The following EDEM3 variants were observed in gnomAD, a reference collection of about 807,000 sequenced individuals.
EDEM3 encodes the protein ER degradation-enhancing alpha-mannosidase-like protein 3.
In EDEM3, 60 loss-of-function variants were observed where a neutral mutation model predicts 110.2. That is an observed-to-expected ratio of 0.54 (90% CI 0.44 to 0.67). The LOEUF (loss-of-function observed/expected upper bound fraction) is 0.67, where lower values mean the gene tolerates loss of function less well. Among genes scored for constraint, EDEM3 ranks in the 30% least tolerant of loss-of-function variants. The pLI is 0.00. For synonymous variants in EDEM3, 352 were observed against 382.9 expected (o/e 0.92, Z 0.94); for missense variants, 996 against 1,121.0 (o/e 0.89, Z 1.59).
intron 11 of EDEM3, 91 bp from the exon 12 acceptor site, chr1:184,717,714 G>A: frequency 2.3e-6 from 2 of 874,676 alleles, no homozygotes; most frequent in Middle Eastern, 3.7e-4. Context: ...ATAGGTAAAA[G>A]CAATTAAAAT....
chr1:184,745,771 T>C (rs189768493), intron 2 of EDEM3, among the ~76,000 whole-genome samples: 44 of 152,294 alleles, frequency 2.9e-4, no homozygotes, highest in Non-Finnish European at 5.3e-4. Flanking sequence ...AAATTGTGCT[T>C]ACCAACTCTA....
intron 9 of EDEM3, among the ~76,000 whole-genome samples, chr1:184,720,182 C>T (rs1650805812): frequency 6.6e-6 from 1 of 152,142 alleles, no homozygotes; most frequent in Admixed American, 6.5e-5. Flanking sequence ...TCCCCATTTA[C>T]CTCAAGAAAT....
At chr1:184,699,861 T>G (rs1212390031) in intron 19 of EDEM3, among the ~76,000 whole-genome samples, 2 of 150,962 alleles carry the variant, frequency 1.3e-5, no homozygotes, top group Admixed American at 6.6e-5. Context: ...AATGCTGATG[T>G]TTTTTTCCCT....
At chr1:184,713,188 C>T (rs1650354245) in intron 13 of EDEM3, among the ~76,000 whole-genome samples, 3 of 152,038 alleles carry the variant, frequency 2.0e-5, no homozygotes, top group Admixed American at 6.6e-5. Flanking sequence ...ATCACTTGAA[C>T]CCAGGAGATG....
At position 184,690,843 on chromosome 1, in the gene EDEM3, C is replaced by T. The variant is rs577254853; in HGVS notation, c.*3220G>A. 12 of 152,156 alleles carry T rather than the reference C, an allele frequency of 7.9e-5. No individual in the cohort carries two copies. The highest frequency in any genetic ancestry group is 1.9e-4 in the African/African-American group (8 of 41,360). 9.4% of individuals were successfully genotyped at this position (152,156 alleles called of 1,614,324 possible). On this transcript the variant is annotated 3_prime_UTR_variant, in exon 20 of 20. Coordinates refer to ENST00000318130, the MANE Select transcript of EDEM3 (RefSeq NM_025191.4). ...TCTGACTGAAGCCTTGTGCATAAAA[C>T]GACCGGCTGGAATATTTACTAAATT...
intron 19 of EDEM3, among the ~76,000 whole-genome samples, chr1:184,696,459 C>A (rs726427): frequency 0.4 from 60,477 of 151,400 alleles, 12,684 homozygotes; most frequent in East Asian, 0.6. Context: ...CCGGGGTGTC[C>A]GCTGTAACCC....
At chr1:184,747,949 G>A (rs1351950250) in intron 2 of EDEM3, among the ~76,000 whole-genome samples, 1 of 152,158 alleles carries the variant, frequency 6.6e-6, no homozygotes, top group African/African-American at 2.4e-5. Flanking sequence ...CCAGCTATAT[G>A]CTATTTTATT....
chr1:184,690,436 T>C lies in EDEM3; in HGVS notation c.*3627A>G, dbSNP rs1453606164. The stretch of plus-strand genomic sequence containing the variant: ...TAAAAAAAAAAGGAAAACAGAGTGA[T>C]AAACATCAAGACATAAAAGTATGAG... On this transcript the variant is annotated 3_prime_UTR_variant, in exon 20 of 20. Coordinates refer to ENST00000318130, the MANE Select transcript of EDEM3 (RefSeq NM_025191.4). The C allele has an allele frequency of 6.6e-6, 1 of 151,980 alleles. No homozygotes were observed. Among genetic ancestry groups the C allele is most frequent in the Admixed American group, 6.6e-5 (1 of 15,210 alleles). 9.4% of individuals were successfully genotyped at this position (151,980 alleles called of 1,614,324 possible).
At chr1:184,695,226 T>C (rs1030957460) in intron 19 of EDEM3, among the ~76,000 whole-genome samples, 1 of 152,036 alleles carries the variant, frequency 6.6e-6, no homozygotes, top group Non-Finnish European at 1.5e-5. Context: ...TCCTGTTCAG[T>C]CTCTGCCTCT....
At chr1:184,716,016 T>C (rs1252347658) in intron 13 of EDEM3, among the ~76,000 whole-genome samples, 1 of 152,198 alleles carries the variant, frequency 6.6e-6, no homozygotes, top group Non-Finnish European at 1.5e-5. Context: ...TTTCTTCTTC[T>C]AATTCTTGGT....
rs374192355 is a variant in EDEM3, at chr1:184,754,211, C to T, written c.158+278G>A. The stretch of plus-strand genomic sequence containing the variant: ...GGGCTGTAGCCCCCTTCTTGGGCCA[C>T]TGACATGGCAGCCGCGTTGACACAC... On this transcript the variant is annotated intron_variant, in intron 1 of 19. Transcript: ENST00000318130. Among the ~76,000 whole-genome samples, 1,028 of 152,348 alleles carry T rather than the reference C, an allele frequency of 6.7e-3. 18 individuals carry two copies. The highest frequency in any genetic ancestry group is 0.024 in the African/African-American group (995 of 41,584).
In EDEM3 at chr1:184,693,981, C is replaced by A; in HGVS notation, c.*82G>T. The A allele has an allele frequency of 7.0e-7, 1 of 1,424,582 alleles. No individual in the cohort carries two copies. Among genetic ancestry groups the A allele is most frequent in the African/African-American group, 1.4e-5 (1 of 69,932 alleles). The allele number at this position is 1,424,582 out of a possible 1,614,324, so 88.2% of individuals were successfully genotyped here. On this transcript the variant is annotated 3_prime_UTR_variant, in exon 20 of 20. Transcript: ENST00000318130. ...ATACTTAAAGCCTCCCATTAGAAAG[C>A]CTGCTTAGTATTAGGATGTCTATTA...
At chr1:184,711,111 T>G (rs1476463036) in intron 15 of EDEM3, among the ~76,000 whole-genome samples, 1 of 152,158 alleles carries the variant, frequency 6.6e-6, no homozygotes, top group Non-Finnish European at 1.5e-5. Context: ...AAATTTTTTT[T>G]TTTTGAGATG....
chr1:184,733,088 T>G, intron 5 of EDEM3, 98 bp from the exon 6 acceptor site: 4 of 1,312,416 alleles, frequency 3.0e-6, no homozygotes, highest in Non-Finnish European at 4.1e-6. Flanking sequence ...TTTAACATAT[T>G]TAAGGAAAGA....
rs752502320 is a variant in EDEM3, at chr1:184,706,628, T to C, written c.2203+15A>G. The C allele has an allele frequency of 6.3e-6, 10 of 1,588,614 alleles. No homozygotes were observed. In the Admixed American group the frequency reaches 8.5e-5, roughly 13 times the overall value. On this transcript the variant is annotated intron_variant, in intron 18 of 19. Transcript: ENST00000318130. ...CTCCCCTTCAGTCAACACAATGACATGGATGATTACTTACCAATAACAATG... is the reference window on the plus strand; with the variant it reads ...CTCCCCTTCAGTCAACACAATGACACGGATGATTACTTACCAATAACAATG...
At chr1:184,737,556 A>G in intron 3 of EDEM3, 55 bp downstream of exon 3, 2 of 1,529,582 alleles carry the variant, frequency 1.3e-6, no homozygotes, top group Non-Finnish European at 1.8e-6. Flanking sequence ...TGTCTGTAAA[A>G]GTCTAAGACT....
At chr1:184,720,141 GT>G (rs1650802400) in intron 9 of EDEM3, among the ~76,000 whole-genome samples, 1 of 152,104 alleles carries the variant, frequency 6.6e-6, no homozygotes, top group African/African-American at 2.4e-5. Flanking sequence ...AGGTTGAGTT[GT>G]GATAACAAGC....
chr1:184,711,999 T>A, intron 14 of EDEM3, 122 bp from the exon 15 acceptor site: 6 of 708,688 alleles, frequency 8.5e-6, no homozygotes, highest in Non-Finnish European at 1.1e-5. Flanking sequence ...TAATCTCTGC[T>A]CACTGTAAGC....
intron 6 of EDEM3, among the ~76,000 whole-genome samples, chr1:184,727,731 T>G (rs144378987): frequency 7.7e-4 from 117 of 152,284 alleles, no homozygotes; most frequent in African/African-American, 2.8e-3. Flanking sequence ...ACTTGAGACA[T>G]TTTCATGTGC....
Sources: allele counts gnomAD v4.1 joint callset (sites outside exome capture counted in the v4.1 genomes callset), GRCh38; gene constraint gnomAD v4.1.1; transcripts MANE v1.5; gene names NCBI Gene and HGNC (gene_info 2026-07-23, HGNC 2026-07-21).